ANK3: variants seen among roughly 807,000 people sequenced by gnomAD.
The protein encoded by ANK3 is ankyrin 3.
ANK3 carries 57 observed loss-of-function variants against 370.9 expected under a neutral mutation model. That is an observed-to-expected ratio of 0.15 (90% confidence interval 0.12 to 0.19). ANK3 has a LOEUF of 0.19. Ranked by LOEUF, ANK3 falls within the 10% of genes least tolerant of loss-of-function variation. ANK3 has a pLI of 1.00. For missense variants in ANK3, 4,439 were observed against 5,302.1 expected, an observed-to-expected ratio of 0.84 and a Z score of 5.06; for synonymous variants, 1,929 against 1,946.3, an observed-to-expected ratio of 0.99 and a Z score of 0.23.
In ANK3 at chr10:60,313,524, T is replaced by A. The variant is rs72822266; in HGVS notation, c.115-33885A>T. ...GCTGTCCACAGCTTATCTCTTTGCC[T>A]GTCCTCCAGGGCCACTCATTTCCTC... On this transcript the variant is annotated intron_variant, in intron 1 of 43. Transcript: ENST00000280772. Among the ~76,000 whole-genome samples the A allele has an allele frequency of 5.5e-3, 833 of 152,304 alleles. 5 individuals carry two copies. Among genetic ancestry groups the A allele is most frequent in the South Asian group, 0.013 (63 of 4,822 alleles).
Position 60,615,283 on chromosome 10 carries a change from T to G in ANK3, c.58-59A>C, listed in dbSNP as rs937030951. On this transcript the variant is annotated intron_variant, in intron 1 of 43. Transcript: ENST00000373827. ...ATGAAAGAATTCCATATATTTACCA[T>G]GACGGTGATTTACACATGCACATTA... 3 of 1,275,318 alleles carry G rather than the reference T, an allele frequency of 2.4e-6. No individual in the cohort carries two copies. The African/African-American group carries it at 4.5e-5, about 19-fold the overall frequency. 79.0% of individuals were successfully genotyped at this position (1,275,318 alleles called of 1,614,324 possible). A position where few individuals can be genotyped will look rare whatever the true frequency, so the allele number is the denominator to read the frequency against.
chr10:60,390,653 C>G (rs1303230027), upstream of ANK3, among the ~76,000 whole-genome samples: 1 of 151,608 alleles, frequency 6.6e-6, no homozygotes, highest in Non-Finnish European at 1.5e-5. Context: ...ACACAGTATT[C>G]ACAGTAAGCG....
rs150266608 is a variant in ANK3, at chr10:60,169,344, C to T, written c.2479-2448G>A. ...CAGTATACTAGTCAGATATGTCCATCAACTGGGGCTTGTCTCATAGTTTTT... is the reference window on the plus strand; with the variant it reads ...CAGTATACTAGTCAGATATGTCCATTAACTGGGGCTTGTCTCATAGTTTTT... On this transcript the variant is annotated intron_variant, in intron 21 of 43. Transcript: ENST00000280772. 6.0e-3 allele frequency among the ~76,000 whole-genome samples: 845 copies of T among 140,108 alleles called. 4 individuals are homozygous for T. Among genetic ancestry groups the T allele is most frequent in the Non-Finnish European group, 9.2e-3 (606 of 66,150 alleles). The allele number at this position is 140,108 out of a possible 152,430, so 91.9% of individuals were successfully genotyped here. A position where few individuals can be genotyped will look rare whatever the true frequency, so the allele number is the denominator to read the frequency against.
chr10:60,095,993 G>A (rs2090049497), intron 28 of ANK3, among the ~76,000 whole-genome samples: 1 of 152,008 alleles, frequency 6.6e-6, no homozygotes, highest in Non-Finnish European at 1.5e-5. Context: ...GGCCAACATG[G>A]TGAAACCCTG....
At chr10:60,167,205 T>C (rs1230096590) in intron 21 of ANK3, among the ~76,000 whole-genome samples, 1 of 152,180 alleles carries the variant, frequency 6.6e-6, no homozygotes, top group Non-Finnish European at 1.5e-5. Context: ...ACTGCTATAC[T>C]TTTTCATGGT....
chr10:60,636,785 G>T (rs1373739645), intron 1 of ANK3, among the ~76,000 whole-genome samples: 3 of 152,196 alleles, frequency 2.0e-5, no homozygotes, highest in African/African-American at 7.2e-5. Context: ...ATATTTAGCT[G>T]CTGGGTGTTA....
chr10:60,254,995 T>A (rs1186422955), intron 7 of ANK3, among the ~76,000 whole-genome samples: 2 of 152,188 alleles, frequency 1.3e-5, no homozygotes, highest in Non-Finnish European at 2.9e-5. Flanking sequence ...CACAGGTCTG[T>A]TCTTGGGGAA....
intron 2 of ANK3, among the ~76,000 whole-genome samples, chr10:60,482,488 TAAC>T (rs1028109514): frequency 3.5e-5 from 5 of 143,250 alleles, no homozygotes; most frequent in African/African-American, 1.0e-4. Flanking sequence ...AACTACTCTC[TAAC>T]AACATTTTTT....
At chr10:60,280,148 C>G (rs542329175) in intron 1 of ANK3, among the ~76,000 whole-genome samples, 2 of 152,156 alleles carry the variant, frequency 1.3e-5, no homozygotes, top group Non-Finnish European at 2.9e-5. Flanking sequence ...ACTGCAGCCT[C>G]GAACTCCCGG....
rs200232886 is a variant in ANK3, at chr10:60,075,463, C to T, written c.5418G>A (p.Ser1806=). The T allele has an allele frequency of 1.8e-4, 287 of 1,612,374 alleles. 2 individuals carry two copies. The East Asian group carries it at 5.3e-3, about 30-fold the overall frequency. Residue 1806 remains serine (S), a synonymous_variant, in exon 37 of 44, where the codon TCG becomes TCA. Coordinates refer to ENST00000280772, the MANE Select transcript of ANK3 (RefSeq NM_020987.5). The stretch of plus-strand genomic sequence containing the variant: ...CAGATGAGGTAGTTGCAGATATTGA[C>T]GACCCAAGGGATGTATAGAGTGCAC... ...SASALYTSLG[S]SISATTSSVT... is the part of the protein sequence containing the mutation.
intron 1 of ANK3, among the ~76,000 whole-genome samples, chr10:60,285,238 G>C (rs534635451): frequency 6.6e-6 from 1 of 152,036 alleles, no homozygotes; most frequent in Non-Finnish European, 1.5e-5. Context: ...GATAACTCAG[G>C]TAATTAACAA....
At chr10:60,308,135 CAATT>C (rs917918706) in intron 1 of ANK3, among the ~76,000 whole-genome samples, 3 of 152,092 alleles carry the variant, frequency 2.0e-5, no homozygotes, top group African/African-American at 7.2e-5. Context: ...TTTAAGCAGC[CAATT>C]AATCTAGATT....
intron 1 of ANK3, among the ~76,000 whole-genome samples, chr10:60,695,500 A>G (rs1413405184): frequency 6.6e-6 from 1 of 152,202 alleles, no homozygotes; most frequent in Admixed American, 6.5e-5. Context: ...CATACTTCGA[A>G]GTAAAGCCCT....
intron 1 of ANK3, among the ~76,000 whole-genome samples, chr10:60,679,425 AAGCTGGTGATTAGC>A (rs1246121884): frequency 3.3e-5 from 5 of 152,290 alleles, no homozygotes; most frequent in Admixed American, 6.5e-5. Context: ...AAAACACCTG[AAGCTGGTGATTAGC>A]AGCTTTCCAT....
At chr10:60,690,143 C>T (rs1260046627) in intron 1 of ANK3, among the ~76,000 whole-genome samples, 1 of 152,128 alleles carries the variant, frequency 6.6e-6, no homozygotes, top group Non-Finnish European at 1.5e-5. Flanking sequence ...GGAACAGCTC[C>T]GGTCTACAGC....
chr10:60,278,540 T>G (rs966116748), intron 4 of ANK3, among the ~76,000 whole-genome samples: 5 of 152,030 alleles, frequency 3.3e-5, no homozygotes, highest in Non-Finnish European at 7.4e-5. Context: ...CAGGCTAATT[T>G]TTTTTATTTT....
At chr10:60,250,436 C>T (rs1307098235) in intron 7 of ANK3, among the ~76,000 whole-genome samples, 1 of 152,208 alleles carries the variant, frequency 6.6e-6, no homozygotes, top group Non-Finnish European at 1.5e-5. Flanking sequence ...ACAATCTCGG[C>T]TCACTGCAAG....
chr10:60,359,962 C>T (rs1045388833), intron 1 of ANK3, among the ~76,000 whole-genome samples: 6 of 152,272 alleles, frequency 3.9e-5, no homozygotes, highest in South Asian at 2.1e-4. Flanking sequence ...CTCTACTATT[C>T]GTTTCTAAAA....
chr10:60,037,985 T>C (rs1180341708), intron 43 of ANK3, among the ~76,000 whole-genome samples: 1 of 152,248 alleles, frequency 6.6e-6, no homozygotes, highest in Non-Finnish European at 1.5e-5. Context: ...ATAATAGCCA[T>C]TCTGACTGGT....
Sources: allele counts gnomAD v4.1 joint callset (sites outside exome capture counted in the v4.1 genomes callset), GRCh38; gene constraint gnomAD v4.1.1; transcripts MANE v1.5; gene names NCBI Gene and HGNC (gene_info 2026-07-23, HGNC 2026-07-21).